The following AKAP6 variants were observed in gnomAD, a reference collection of about 807,000 sequenced individuals.
The protein encoded by AKAP6 is A-kinase anchoring protein 6.
Under a neutral mutation model 188.5 loss-of-function variants are expected in AKAP6, and 58 were observed. The observed-to-expected ratio is 0.31, with a 90% CI of 0.25 to 0.38. AKAP6 has a LOEUF of 0.38. Ranked by LOEUF, AKAP6 falls within the 10% of genes least tolerant of loss-of-function variation. The pLI, the probability that AKAP6 is intolerant of heterozygous loss-of-function variation, is 1.00. For synonymous variants in AKAP6, 989 were observed against 998.6 expected, an observed-to-expected ratio of 0.99 and a Z score of 0.18; for missense variants, 2,710 against 2,740.0, an observed-to-expected ratio of 0.99 and a Z score of 0.24.
intron 1 of AKAP6, among the ~76,000 whole-genome samples, chr14:32,374,930 T>C (rs923709016): frequency 1.1e-4 from 16 of 152,222 alleles, no homozygotes; most frequent in African/African-American, 3.9e-4. Flanking sequence ...AAAATTATAA[T>C]CTTTGTAGGT....
At position 32,837,271 on chromosome 14, in the gene AKAP6, G is replaced by A. The variant is rs1017860800; in HGVS notation, c.*7466G>A. On this transcript the variant is annotated 3_prime_UTR_variant, in exon 14 of 14. Transcript: ENST00000280979. ...ATATGATGTAATAAGAAACAATCCT[G>A]AAATTATTAAAACATTTCTTTGTCC... 1.3e-5 allele frequency: 2 copies of A among 152,160 alleles called. No homozygotes were observed. Among genetic ancestry groups the A allele is most frequent in the Non-Finnish European group, 2.9e-5 (2 of 68,030 alleles). 9.4% of individuals were successfully genotyped at this position (152,160 alleles called of 1,614,324 possible). A position where few individuals can be genotyped will look rare whatever the true frequency, so the allele number is the denominator to read the frequency against.
intron 4 of AKAP6, among the ~76,000 whole-genome samples, chr14:32,567,914 A>G (rs1373400911): frequency 6.6e-6 from 1 of 152,176 alleles, no homozygotes; most frequent in East Asian, 1.9e-4. Flanking sequence ...TGTAGAAAAA[A>G]GAAAGAAACA....
intron 1 of AKAP6, among the ~76,000 whole-genome samples, chr14:32,384,840 G>C (rs1888477080): frequency 6.6e-6 from 1 of 152,136 alleles, no homozygotes. Context: ...CATATATGCA[G>C]GGGTGGGGAG....
At chr14:32,770,380 TTTTC>T (rs1434719126) in intron 11 of AKAP6, among the ~76,000 whole-genome samples, 5 of 152,206 alleles carry the variant, frequency 3.3e-5, no homozygotes, top group Admixed American at 1.3e-4. Flanking sequence ...ATAGTTGTGT[TTTTC>T]TTTCTTTTTA....
At chr14:32,710,746 A>G (rs753811950) in intron 9 of AKAP6, among the ~76,000 whole-genome samples, 1 of 152,052 alleles carries the variant, frequency 6.6e-6, no homozygotes, top group African/African-American at 2.4e-5. Flanking sequence ...ACCTTGAAAG[A>G]TTGTTGTTAG....
intron 1 of AKAP6, among the ~76,000 whole-genome samples, chr14:32,382,460 G>A (rs927790765): frequency 6.6e-6 from 1 of 152,160 alleles, no homozygotes; most frequent in African/African-American, 2.4e-5. Flanking sequence ...CTACTGCATA[G>A]GGTTATAATA....
chr14:32,412,905 G>A (rs1242665622), intron 1 of AKAP6, among the ~76,000 whole-genome samples: 1 of 152,226 alleles, frequency 6.6e-6, no homozygotes, highest in Admixed American at 6.5e-5. Flanking sequence ...CTGAGAGTAG[G>A]TATAGACATT....
At position 32,546,573 on chromosome 14, in the gene AKAP6, A is replaced by G. The variant is rs970649127; in HGVS notation, c.1920A>G (p.Thr640=). ...CACTGCCCTCTCACCTTAAGCAGAC[A>G]GAAGTATTGGCTTTGAAGTTGGAAA... ...YLALPSHLKQ[T]EVLALKLENL... is the part of the protein sequence containing the mutation. The change falls in exon 4 of 14, where the codon ACA becomes ACG. Residue 640 remains threonine (T), a synonymous_variant. Coordinates refer to ENST00000280979, the MANE Select transcript of AKAP6 (RefSeq NM_004274.5). 1.2e-6 allele frequency: 2 copies of G among 1,614,102 alleles called. No individual in the cohort carries two copies. The highest frequency in any genetic ancestry group is 1.3e-5 in the African/African-American group (1 of 74,942).
At chr14:32,685,830 C>T (rs892617165) in intron 8 of AKAP6, among the ~76,000 whole-genome samples, 1 of 151,278 alleles carries the variant, frequency 6.6e-6, no homozygotes, top group Non-Finnish European at 1.5e-5. Context: ...AACCCTCATA[C>T]ACTTGGTGGG....
intron 1 of AKAP6, among the ~76,000 whole-genome samples, chr14:32,349,121 T>C (rs1206506611): frequency 1.3e-5 from 2 of 152,244 alleles, no homozygotes; most frequent in Non-Finnish European, 2.9e-5. Flanking sequence ...GTACAGGATT[T>C]GTTTAAAGGG....
intron 1 of AKAP6, among the ~76,000 whole-genome samples, chr14:32,418,754 A>G (rs1248772493): frequency 6.6e-6 from 1 of 152,112 alleles, no homozygotes; most frequent in Non-Finnish European, 1.5e-5. Context: ...CATTGTTGCT[A>G]TTTATTTCAT....
intron 12 of AKAP6, among the ~76,000 whole-genome samples, chr14:32,815,965 C>A (rs1259150991): frequency 6.6e-6 from 1 of 152,200 alleles, no homozygotes; most frequent in Non-Finnish European, 1.5e-5. Flanking sequence ...ATCCAGGATT[C>A]AAACCCAAAC....
chr14:32,488,202 G>C (rs972931385), intron 2 of AKAP6, among the ~76,000 whole-genome samples: 1 of 152,206 alleles, frequency 6.6e-6, no homozygotes, highest in Non-Finnish European at 1.5e-5. Context: ...TGGGGCTGCT[G>C]CCTTTCTTTT....
chr14:32,469,431 C>T (rs558367066), intron 2 of AKAP6, among the ~76,000 whole-genome samples: 81 of 152,230 alleles, frequency 5.3e-4, no homozygotes, highest in African/African-American at 1.6e-3. Context: ...AGATTCCTAG[C>T]GTTTCTTGGT....
At chr14:32,537,861 C>T (rs943506052) in intron 3 of AKAP6, among the ~76,000 whole-genome samples, 3 of 152,104 alleles carry the variant, frequency 2.0e-5, no homozygotes, top group Non-Finnish European at 2.9e-5. Flanking sequence ...GAGCCATGGA[C>T]GGTAATTGTT....
chr14:32,795,071 A>G (rs2033724638), intron 12 of AKAP6, among the ~76,000 whole-genome samples: 1 of 152,170 alleles, frequency 6.6e-6, no homozygotes, highest in Non-Finnish European at 1.5e-5. Context: ...GCACCCTCAC[A>G]AGACTGAACC....
chr14:32,808,525 AC>A (rs773540403), intron 12 of AKAP6, among the ~76,000 whole-genome samples: 6 of 152,336 alleles, frequency 3.9e-5, no homozygotes, highest in Non-Finnish European at 8.8e-5. Flanking sequence ...AAATTGATGC[AC>A]ATTAAAATTG....
intron 1 of AKAP6, among the ~76,000 whole-genome samples, chr14:32,398,033 C>G (rs1344741120): frequency 6.6e-6 from 1 of 152,214 alleles, no homozygotes; most frequent in African/African-American, 2.4e-5. Flanking sequence ...GTGGACACAT[C>G]AACTCAAAGA....
intron 1 of AKAP6, among the ~76,000 whole-genome samples, chr14:32,345,697 A>G (rs971203781): frequency 2.0e-5 from 3 of 152,194 alleles, no homozygotes; most frequent in Non-Finnish European, 2.9e-5. Flanking sequence ...GTCATGAGGA[A>G]GTGTCCTGTC....
Sources: allele counts gnomAD v4.1 joint callset (sites outside exome capture counted in the v4.1 genomes callset), GRCh38; gene constraint gnomAD v4.1.1; transcripts MANE v1.5; gene names NCBI Gene and HGNC (gene_info 2026-07-23, HGNC 2026-07-21).